POFUT3: variants seen among roughly 807,000 people sequenced by gnomAD.
POFUT3 encodes protein O-fucosyltransferase 3.
At chr8:33,385,283 G>C in the POFUT3 span, among the ~76,000 whole-genome samples, 15 of 152,180 alleles carry the variant, frequency 9.9e-5, no homozygotes, top group Non-Finnish European at 2.1e-4. Context: ...GGCACAGGAA[G>C]GTTCCCACTG....
the POFUT3 span, among the ~76,000 whole-genome samples, chr8:33,446,141 T>C: frequency 6.6e-6 from 1 of 151,740 alleles, no homozygotes; most frequent in Non-Finnish European, 1.5e-5. Context: ...GGGGAAGGGG[T>C]CTGAGCTGGG....
At chr8:33,434,988 T>C in the POFUT3 span, among the ~76,000 whole-genome samples, 1 of 152,042 alleles carries the variant, frequency 6.6e-6, no homozygotes, top group Non-Finnish European at 1.5e-5. Context: ...AGGAACAAAA[T>C]AACATGACCC....
the POFUT3 span, among the ~76,000 whole-genome samples, chr8:33,437,181 T>C: frequency 6.6e-6 from 1 of 152,310 alleles, no homozygotes; most frequent in South Asian, 2.1e-4. Flanking sequence ...GCACTTGGAT[T>C]GATTCCATGT....
chr8:33,457,578 A>C, the POFUT3 span, among the ~76,000 whole-genome samples: 5 of 152,164 alleles, frequency 3.3e-5, no homozygotes, highest in African/African-American at 1.2e-4. Context: ...CATACAGAGA[A>C]TATTCAGTAA....
At chr8:33,370,993 A>G in the POFUT3 span, 2 of 152,206 alleles carry the variant, frequency 1.3e-5, no homozygotes, top group African/African-American at 4.8e-5. Context: ...TGAATAACAT[A>G]CAGCAGTTCC....
the POFUT3 span, among the ~76,000 whole-genome samples, chr8:33,441,654 T>TA: frequency 6.6e-6 from 1 of 152,036 alleles, no homozygotes; most frequent in Non-Finnish European, 1.5e-5. Flanking sequence ...GTGCTGGGAT[T>TA]ACAGGCACGA....
the POFUT3 span, among the ~76,000 whole-genome samples, chr8:33,316,056 G>A: frequency 6.6e-6 from 1 of 152,118 alleles, no homozygotes; most frequent in Admixed American, 6.6e-5. Context: ...TGGAAACATA[G>A]CAAGTGCTAA....
chr8:33,455,130 C>A, the POFUT3 span, among the ~76,000 whole-genome samples: 1 of 152,262 alleles, frequency 6.6e-6, no homozygotes, highest in Non-Finnish European at 1.5e-5. Context: ...CACTATAGCA[C>A]TGAGATAGTG....
the POFUT3 span, among the ~76,000 whole-genome samples, chr8:33,470,109 A>T: frequency 6.6e-6 from 1 of 151,748 alleles, no homozygotes; most frequent in African/African-American, 2.4e-5. Flanking sequence ...ACAGATTTTT[A>T]AAATGGAAAG....
the POFUT3 span, among the ~76,000 whole-genome samples, chr8:33,463,084 T>G: frequency 6.6e-6 from 1 of 152,140 alleles, no homozygotes; most frequent in Non-Finnish European, 1.5e-5. Flanking sequence ...TGCTGCACAG[T>G]ACTTCACAGA....
the POFUT3 span, among the ~76,000 whole-genome samples, chr8:33,434,186 G>C: frequency 1.3e-5 from 2 of 149,514 alleles, no homozygotes; most frequent in African/African-American, 4.9e-5. Flanking sequence ...GCTTGAACTT[G>C]GGAGGCAGAG....
At chr8:33,409,366 G>C in the POFUT3 span, among the ~76,000 whole-genome samples, 3 of 152,050 alleles carry the variant, frequency 2.0e-5, no homozygotes, top group Non-Finnish European at 4.4e-5. Context: ...GCCTCCCAAA[G>C]TGCTAGGATT....
the POFUT3 span, among the ~76,000 whole-genome samples, chr8:33,390,226 A>G: frequency 7.2e-6 from 1 of 139,314 alleles, no homozygotes; most frequent in Non-Finnish European, 1.5e-5. Flanking sequence ...ACACACACAC[A>G]TGAAGCATGT....
At chr8:33,455,872 T>C in the POFUT3 span, 2 of 451,862 alleles carry the variant, frequency 4.4e-6, no homozygotes, top group Admixed American at 2.4e-5. Context: ...TGACTTTCAT[T>C]AGATTCTCAA....
At chr8:33,433,197 G>A in the POFUT3 span, among the ~76,000 whole-genome samples, 4 of 151,606 alleles carry the variant, frequency 2.6e-5, no homozygotes, top group African/African-American at 9.7e-5. Flanking sequence ...TCACAACACT[G>A]CACTTCACCT....
chr8:33,399,991 GA>G, the POFUT3 span, among the ~76,000 whole-genome samples: 1 of 151,904 alleles, frequency 6.6e-6, no homozygotes, highest in Non-Finnish European at 1.5e-5. Flanking sequence ...ATTTGCTATT[GA>G]AATGTGGAGC....
At chr8:33,405,488 C>CA in the POFUT3 span, among the ~76,000 whole-genome samples, 4,381 of 136,724 alleles carry the variant, frequency 0.032, 209 homozygotes, top group African/African-American at 0.11. Context: ...TTATTCTTTA[C>CA]AAAAAAAAAA....
the POFUT3 span, among the ~76,000 whole-genome samples, chr8:33,458,047 G>T: frequency 2.6e-5 from 4 of 152,146 alleles, no homozygotes; most frequent in Non-Finnish European, 4.4e-5. Context: ...TGGAGACAGG[G>T]TCTTCAAAGA....
the POFUT3 span, among the ~76,000 whole-genome samples, chr8:33,420,874 T>A: frequency 0.033 from 5,015 of 151,940 alleles, 140 homozygotes; most frequent in Non-Finnish European, 0.049. Context: ...TCACATTATA[T>A]GTATCAAAAC....
Sources: allele counts gnomAD v4.1 joint callset (sites outside exome capture counted in the v4.1 genomes callset), GRCh38; gene constraint gnomAD v4.1.1; transcripts MANE v1.5; gene names NCBI Gene and HGNC (gene_info 2026-07-23, HGNC 2026-07-21).